The following CWC27 variants were observed in gnomAD, a reference collection of about 807,000 sequenced individuals.
CWC27 encodes the protein spliceosome-associated protein CWC27 homolog.
CWC27 carries 47 observed loss-of-function variants against 63.6 expected under a neutral mutation model. That is an observed-to-expected ratio of 0.74 (90% CI 0.58 to 0.94). The LOEUF (loss-of-function observed/expected upper bound fraction) is 0.94. Ranked by LOEUF, CWC27 falls within the 40% of genes least tolerant of loss-of-function variation. The probability of loss-of-function intolerance (pLI) is 0.00; values close to 1 mark genes in which losing one functional copy is unlikely to be tolerated. For missense variants in CWC27, 495 were observed against 554.3 expected (o/e 0.89, Z 1.07); for synonymous variants, 175 against 179.8 (o/e 0.97, Z 0.22).
intron 13 of CWC27, among the ~76,000 whole-genome samples, chr5:64,986,511 T>G (rs895048657): frequency 2.0e-5 from 3 of 152,198 alleles, no homozygotes; most frequent in Admixed American, 2.0e-4. Flanking sequence ...TCTAATCCCT[T>G]TGTTTGGTTT....
chr5:64,782,378 G>A (rs1743728035), intron 3 of CWC27, among the ~76,000 whole-genome samples: 2 of 152,012 alleles, frequency 1.3e-5, no homozygotes, highest in Admixed American at 1.3e-4. Context: ...AACCTGGGAG[G>A]TGGAGGTTGC....
intron 1 of CWC27, among the ~76,000 whole-genome samples, chr5:64,770,201 C>T (rs903098186): frequency 2.0e-5 from 3 of 152,140 alleles, no homozygotes; most frequent in Non-Finnish European, 2.9e-5. Context: ...CTGTAATTCC[C>T]AGCAAAAATG....
chr5:64,791,556 G>A (rs954472580), intron 7 of CWC27, among the ~76,000 whole-genome samples: 1 of 151,694 alleles, frequency 6.6e-6, no homozygotes, highest in Admixed American at 6.6e-5. Flanking sequence ...CCCAAATACC[G>A]TTCATTATCA....
At position 64,789,028 on chromosome 5, in the gene CWC27, C is replaced by G. The variant is rs773268847; in HGVS notation, c.669+8C>G. ...GTAAATCGAGTTAGTCAGGTAATCT[C>G]TAATTTGCCCTTTGTTCTAACTTAC... On this transcript the variant is annotated splice_region_variant and intron_variant, in intron 7 of 13. Transcript: ENST00000381070. 5.0e-6 allele frequency: 8 copies of G among 1,590,324 alleles called. No individual in the cohort carries two copies. The highest frequency in any genetic ancestry group is 6.9e-6 in the Non-Finnish European group (8 of 1,165,106).
chr5:65,014,784 A>G (rs1750022560), intron 13 of CWC27, among the ~76,000 whole-genome samples: 1 of 152,172 alleles, frequency 6.6e-6, no homozygotes, highest in African/African-American at 2.4e-5. Context: ...GAAAATCATA[A>G]TAACTGTTTT....
chr5:64,901,163 A>G (rs1747497868), intron 11 of CWC27, among the ~76,000 whole-genome samples: 1 of 152,168 alleles, frequency 6.6e-6, no homozygotes, highest in Non-Finnish European at 1.5e-5. Context: ...TGTACTGAAC[A>G]TTGCAGGCGA....
chr5:64,901,062 A>G (rs945451870), intron 11 of CWC27, among the ~76,000 whole-genome samples: 1 of 151,998 alleles, frequency 6.6e-6, no homozygotes, highest in Non-Finnish European at 1.5e-5. Flanking sequence ...GCCCAAGACA[A>G]TTCTTCCAGC....
Position 64,832,871 on chromosome 5 carries a change from A to G in CWC27, c.938+28485A>G, listed in dbSNP as rs947798860. Among the ~76,000 whole-genome samples, 13 of 151,724 alleles carry G rather than the reference A, an allele frequency of 8.6e-5. No homozygotes were observed. In the East Asian group the frequency reaches 2.5e-3, roughly 29 times the overall value. On this transcript the variant is annotated intron_variant, in intron 10 of 13. Coordinates refer to ENST00000381070, the MANE Select transcript of CWC27 (RefSeq NM_005869.4). ...TTACCTCATAGACGCTCTTGAAATG[A>G]TTTCAGAGTTTCCCAGGGTCCACAA... is the stretch of plus-strand genomic sequence containing the variant.
chr5:64,844,336 C>T (rs1745919365), intron 10 of CWC27, among the ~76,000 whole-genome samples: 1 of 152,192 alleles, frequency 6.6e-6, no homozygotes, highest in Non-Finnish European at 1.5e-5. Context: ...GTGTTCCTGA[C>T]AGCTGTGATG....
intron 10 of CWC27, among the ~76,000 whole-genome samples, chr5:64,861,422 G>A (rs1746410289): frequency 6.6e-6 from 1 of 151,880 alleles, no homozygotes; most frequent in Non-Finnish European, 1.5e-5. Context: ...GAGTCAATGT[G>A]GGAAGAGACT....
At chr5:64,907,597 T>C (rs1747679236) in intron 11 of CWC27, among the ~76,000 whole-genome samples, 1 of 152,220 alleles carries the variant, frequency 6.6e-6, no homozygotes, top group African/African-American at 2.4e-5. Context: ...TACACAATCA[T>C]GTCATCTGCA....
chr5:64,852,365 T>C (rs1746152264), intron 10 of CWC27, among the ~76,000 whole-genome samples: 1 of 152,242 alleles, frequency 6.6e-6, no homozygotes, highest in Non-Finnish European at 1.5e-5. Context: ...ATCATATTCT[T>C]CAGCCCAAAG....
At chr5:64,836,079 A>G (rs1745651932) in intron 10 of CWC27, among the ~76,000 whole-genome samples, 1 of 151,954 alleles carries the variant, frequency 6.6e-6, no homozygotes, top group South Asian at 2.1e-4. Context: ...GTATTTGAAT[A>G]TTATATTCAA....
chr5:64,877,100 G>T (rs532325701), intron 10 of CWC27, among the ~76,000 whole-genome samples: 3 of 151,880 alleles, frequency 2.0e-5, no homozygotes, highest in Non-Finnish European at 4.4e-5. Context: ...ATATCAAAGG[G>T]ATACCTATAC....
intron 11 of CWC27, among the ~76,000 whole-genome samples, chr5:64,955,565 G>T (rs891134906): frequency 6.6e-6 from 1 of 151,966 alleles, no homozygotes; most frequent in Non-Finnish European, 1.5e-5. Context: ...CTCACCATCC[G>T]ACCTCAGGTT....
At chr5:64,882,663 G>C (rs1746970068) in intron 10 of CWC27, among the ~76,000 whole-genome samples, 1 of 152,174 alleles carries the variant, frequency 6.6e-6, no homozygotes, top group Non-Finnish European at 1.5e-5. Context: ...GTGCGATCTT[G>C]GCTCACTGCA....
chr5:64,984,986 T>A (rs1038206645), intron 13 of CWC27, among the ~76,000 whole-genome samples: 1 of 152,204 alleles, frequency 6.6e-6, no homozygotes, highest in African/African-American at 2.4e-5. Context: ...GAAGTTTAGG[T>A]TAAGGTTCAT....
rs35152901 is a variant in CWC27 at position 64,880,854 on chromosome 5, A to ATTTT, written c.939-4572_939-4569dup. Among the ~76,000 whole-genome samples the ATTTT allele has an allele frequency of 2.1e-3, 282 of 136,010 alleles. 1 individual carries two copies. Among genetic ancestry groups the ATTTT allele is most frequent in the African/African-American group, 7.4e-3 (273 of 36,998 alleles). The allele number at this position is 136,010 out of a possible 152,430, so 89.2% of individuals were successfully genotyped here. A position where few individuals can be genotyped will look rare whatever the true frequency, so the allele number is the denominator to read the frequency against. On this transcript the variant is annotated intron_variant, in intron 10 of 13. Transcript: ENST00000381070. ...GAGTTAGTAACAGTTTATAAAAGCCATTTTTTTTTTTTTTTTTTTTACCAT... is the reference window on the plus strand; with the variant it reads ...GAGTTAGTAACAGTTTATAAAAGCCATTTTTTTTTTTTTTTTTTTTTTTTACCAT...
chr5:64,866,127 A>G (rs780575518), intron 10 of CWC27, among the ~76,000 whole-genome samples: 13 of 152,094 alleles, frequency 8.5e-5, no homozygotes, highest in Non-Finnish European at 1.8e-4. Flanking sequence ...TTTCATATCT[A>G]TAAAGCAGAT....
Sources: gnomAD v4.1 joint callset for allele counts (sites outside exome capture counted in the v4.1 genomes callset) on GRCh38, gnomAD v4.1.1 for gene constraint, MANE v1.5 for transcripts, NCBI Gene and HGNC (gene_info 2026-07-23, HGNC 2026-07-21) for gene names.